RASA1: variants seen among roughly 807,000 people sequenced by gnomAD.
RASA1 encodes RAS p21 protein activator 1.
In RASA1, 25 loss-of-function variants were observed where a neutral mutation model predicts 132.2. The observed-to-expected ratio is 0.19, with a 90% confidence interval of 0.14 to 0.26. The LOEUF (loss-of-function observed/expected upper bound fraction) is 0.26, where lower values mean the gene tolerates loss of function less well. RASA1 is among the 10% of genes least tolerant of loss of function. The probability of loss-of-function intolerance (pLI) is 1.00; values close to 1 mark genes in which losing one functional copy is unlikely to be tolerated. For missense variants in RASA1, 964 were observed against 1,299.2 expected (o/e 0.74, Z 3.97); for synonymous variants, 477 against 449.9 (o/e 1.06, Z -0.76).
Position 87,284,552 on chromosome 5 carries a change from T to A in RASA1, c.539+15562T>A, listed in dbSNP as rs145888732. Among the ~76,000 whole-genome samples the A allele has an allele frequency of 7.9e-4, 121 of 152,328 alleles. 1 individual carries two copies. Among genetic ancestry groups the A allele is most frequent in the African/African-American group, 2.7e-3 (112 of 41,586 alleles). On this transcript the variant is annotated intron_variant, in intron 1 of 24. Coordinates refer to ENST00000274376, the MANE Select transcript of RASA1 (RefSeq NM_002890.3). ...ATCCAGGTATCTGGAGTGGAACTGT[T>A]CTCTACTTAGACTTAGGGGACACTG... is the stretch of plus-strand genomic sequence containing the variant.
intron 8 of RASA1, among the ~76,000 whole-genome samples, chr5:87,351,513 T>A (rs2112427546): frequency 6.6e-6 from 1 of 151,894 alleles, no homozygotes; most frequent in Non-Finnish European, 1.5e-5. Context: ...TGGTTTTATG[T>A]GCTAAATGCA....
intron 1 of RASA1, among the ~76,000 whole-genome samples, chr5:87,285,692 A>G (rs1354480796): frequency 7.0e-6 from 1 of 143,384 alleles, no homozygotes; most frequent in Non-Finnish European, 1.5e-5. Context: ...ATCTTGGCTC[A>G]CTGCAACCCT....
At chr5:87,270,093 T>G (rs1038529277) in intron 1 of RASA1, among the ~76,000 whole-genome samples, 9 of 151,338 alleles carry the variant, frequency 5.9e-5, no homozygotes, top group Admixed American at 2.0e-4. Context: ...AATACAAAAA[T>G]AAGCCGGACG....
At chr5:87,277,646 G>A (rs866330915) in intron 1 of RASA1, among the ~76,000 whole-genome samples, 6 of 152,032 alleles carry the variant, frequency 3.9e-5, no homozygotes, top group Non-Finnish European at 5.9e-5. Context: ...CTGGTATTTC[G>A]TCATAGCAGC....
intron 1 of RASA1, among the ~76,000 whole-genome samples, chr5:87,277,315 T>C (rs755016984): frequency 2.6e-5 from 4 of 152,154 alleles, no homozygotes; most frequent in Non-Finnish European, 4.4e-5. Flanking sequence ...TTCCCCCCTG[T>C]CCCCCATAGT....
Position 87,362,676 on chromosome 5 carries a change from G to T in RASA1, c.1453+5G>T. ...AAGGTTATCTTCTGAAAAAGGGTAA[G>T]TTCAGACTTTTATCATTAACCCATT... is the stretch of plus-strand genomic sequence containing the variant. On this transcript the variant is annotated splice_donor_5th_base_variant and intron_variant, in intron 10 of 24. Coordinates refer to ENST00000274376, the MANE Select transcript of RASA1 (RefSeq NM_002890.3). 2 of 1,604,628 alleles carry T rather than the reference G, an allele frequency of 1.2e-6. No individual in the cohort carries two copies. Among genetic ancestry groups the T allele is most frequent in the Non-Finnish European group, 1.7e-6 (2 of 1,171,798 alleles).
At chr5:87,281,356 T>C (rs1424496928) in intron 1 of RASA1, among the ~76,000 whole-genome samples, 1 of 151,434 alleles carries the variant, frequency 6.6e-6, no homozygotes, top group Admixed American at 6.6e-5. Flanking sequence ...CTTACTGCAA[T>C]CTCCGCCTCC....
chr5:87,317,611 A>C (rs1561276318), intron 1 of RASA1, among the ~76,000 whole-genome samples: 1 of 150,806 alleles, frequency 6.6e-6, no homozygotes, highest in Non-Finnish European at 1.5e-5. Context: ...CTTTTTCCCT[A>C]ATAAGACTGT....
At chr5:87,386,440 G>A (rs1762066505) in intron 22 of RASA1, among the ~76,000 whole-genome samples, 1 of 151,914 alleles carries the variant, frequency 6.6e-6, no homozygotes, top group Non-Finnish European at 1.5e-5. Context: ...TGTAATCTCT[G>A]CTGGATTCAA....
rs968489459 is a variant in RASA1, at chr5:87,278,241, C to T, written c.539+9251C>T. 9.2e-5 allele frequency among the ~76,000 whole-genome samples: 14 copies of T among 151,878 alleles called. 1 individual carries two copies. Among genetic ancestry groups the T allele is most frequent in the African/African-American group, 3.4e-4 (14 of 41,336 alleles). On this transcript the variant is annotated intron_variant, in intron 1 of 24. Transcript: ENST00000274376. Reference sequence around the variant, plus strand: ...TTTGAGGTAATTGTAGATTCATATGCAGTTTTAAGAAATAAGACAGATGGG... The same window carrying T: ...TTTGAGGTAATTGTAGATTCATATGTAGTTTTAAGAAATAAGACAGATGGG...
intron 4 of RASA1, 89 bp from the exon 5 acceptor site, chr5:87,337,885 T>C: frequency 7.5e-7 from 1 of 1,340,180 alleles, no homozygotes; most frequent in Non-Finnish European, 1.0e-6. Context: ...AATATAATAC[T>C]ATCCCTATCC....
chr5:87,343,998 A>G (rs1580313945), intron 6 of RASA1, among the ~76,000 whole-genome samples: 1 of 152,268 alleles, frequency 6.6e-6, no homozygotes, highest in Non-Finnish European at 1.5e-5. Flanking sequence ...TCTCACTCAT[A>G]TGGGTGCAAA....
At chr5:87,371,695 A>C (rs1380849605) in intron 12 of RASA1, among the ~76,000 whole-genome samples, 1 of 152,134 alleles carries the variant, frequency 6.6e-6, no homozygotes, top group Non-Finnish European at 1.5e-5. Context: ...AGTTGGTTTT[A>C]CAATCAGCAC....
At chr5:87,279,958 A>G (rs936527714) in intron 1 of RASA1, among the ~76,000 whole-genome samples, 1 of 151,584 alleles carries the variant, frequency 6.6e-6, no homozygotes, top group Non-Finnish European at 1.5e-5. Flanking sequence ...AAGGCCTGAG[A>G]CCCCCAGGGA....
At chr5:87,316,149 T>A (rs543078870) in intron 1 of RASA1, among the ~76,000 whole-genome samples, 2 of 152,322 alleles carry the variant, frequency 1.3e-5, no homozygotes, top group East Asian at 3.9e-4. Context: ...AAAAGCAAAT[T>A]ACAAGTATAA....
At chr5:87,287,037 T>C (rs1054915501) in intron 1 of RASA1, among the ~76,000 whole-genome samples, 2 of 146,346 alleles carry the variant, frequency 1.4e-5, no homozygotes, top group East Asian at 3.9e-4. Context: ...ACCATATATA[T>C]ACACACCATA....
intron 1 of RASA1, among the ~76,000 whole-genome samples, chr5:87,305,741 C>A (rs752294977): frequency 2.0e-5 from 3 of 152,164 alleles, no homozygotes; most frequent in Non-Finnish European, 4.4e-5. Flanking sequence ...ACATATCTGA[C>A]AGAGGTCTAA....
chr5:87,268,312 C>T lies in RASA1; in HGVS notation c.-140C>T, dbSNP rs867822146. 11 of 1,177,278 alleles carry T rather than the reference C, an allele frequency of 9.3e-6. No individual in the cohort carries two copies. Among genetic ancestry groups the T allele is most frequent in the African/African-American group, 4.7e-5 (3 of 64,190 alleles). 72.9% of individuals were successfully genotyped at this position (1,177,278 alleles called of 1,614,324 possible). A position where few individuals can be genotyped will look rare whatever the true frequency, so the allele number is the denominator to read the frequency against. On this transcript the variant is annotated 5_prime_UTR_variant, in exon 1 of 25. Coordinates refer to ENST00000274376, the MANE Select transcript of RASA1 (RefSeq NM_002890.3). ...CCCTAGGAGGGGGCGCGGCGGCGGG[C>T]TCTCTCCTTTTGTTGTTGTTTCCTC...
chr5:87,374,208 G>C lies in RASA1; in HGVS notation c.1822G>C (p.Val608Leu). The stretch of plus-strand genomic sequence containing the variant: ...TATTGAAGAAGCCCATAAACTCCCA[G>C]TAAAACATTTTACTAATCCATATTG... ...LHIEEAHKLP[V>L]KHFTNPYCNI... Residue 608 changes from valine (V) to leucine (L), a missense_variant, in exon 14 of 25, where the codon GTA (valine) becomes CTA (leucine). By Grantham distance (32) the Val-to-Leu change is conservative. Coordinates refer to ENST00000274376, the MANE Select transcript of RASA1 (RefSeq NM_002890.3). 1 of 1,581,074 alleles carries C rather than the reference G, an allele frequency of 6.3e-7. No homozygotes were observed. Among genetic ancestry groups the C allele is most frequent in the Non-Finnish European group, 8.6e-7 (1 of 1,161,366 alleles).
Sources: gnomAD v4.1 joint callset for allele counts (sites outside exome capture counted in the v4.1 genomes callset) on GRCh38, gnomAD v4.1.1 for gene constraint, MANE v1.5 for transcripts, NCBI Gene and HGNC (gene_info 2026-07-23, HGNC 2026-07-21) for gene names.